Variants in MAGI2 observed in about 807,000 individuals in gnomAD.
The protein encoded by MAGI2 is membrane-associated guanylate kinase, WW and PDZ domain-containing protein 2.
Under a neutral mutation model 133.3 loss-of-function variants are expected in MAGI2, and 35 were observed. That is an observed-to-expected ratio of 0.26 (90% CI 0.20 to 0.35). The LOEUF (loss-of-function observed/expected upper bound fraction) is 0.35. Ranked by LOEUF, MAGI2 falls within the 10% of genes least tolerant of loss-of-function variation. The probability of loss-of-function intolerance (pLI) is 1.00; values close to 1 mark genes in which losing one functional copy is unlikely to be tolerated. For missense variants in MAGI2, 1,636 were observed against 1,863.4 expected (o/e 0.88, Z 2.25); for synonymous variants, 729 against 710.6 (o/e 1.03, Z -0.41).
At chr7:79,155,960 C>T (rs146349565) in intron 1 of MAGI2, among the ~76,000 whole-genome samples, 1 of 152,106 alleles carries the variant, frequency 6.6e-6, no homozygotes, top group African/African-American at 2.4e-5. Context: ...AGATTGGAGT[C>T]ACCCTGAATG....
chr7:78,692,566 G>C (rs1242392641), intron 2 of MAGI2, among the ~76,000 whole-genome samples: 4 of 152,070 alleles, frequency 2.6e-5, no homozygotes, highest in African/African-American at 7.3e-5. Context: ...GAGAAGTCAG[G>C]GTTCTGGTTA....
intron 21 of MAGI2, among the ~76,000 whole-genome samples, chr7:78,021,165 C>T (rs1808361210): frequency 6.6e-6 from 1 of 152,034 alleles, no homozygotes; most frequent in Admixed American, 6.6e-5. Context: ...CTTCTGGCCA[C>T]TAAGGGGAAA....
intron 2 of MAGI2, among the ~76,000 whole-genome samples, chr7:79,003,996 G>C (rs1353637073): frequency 1.3e-5 from 2 of 152,170 alleles, no homozygotes; most frequent in Non-Finnish European, 1.5e-5. Flanking sequence ...CTTACACTCT[G>C]TTGGTAGGAA....
At position 78,019,827 on chromosome 7, in the gene MAGI2, A is replaced by G; in HGVS notation, c.3856T>C (p.Trp1286Arg). The change falls in exon 22 of 22, where the codon TGG (tryptophan) becomes CGG (arginine). Residue 1286 changes from tryptophan (W) to arginine (R), a missense_variant. Trp to Arg is a moderately radical substitution (Grantham distance 101, BLOSUM62 -3). Coordinates refer to ENST00000354212, the MANE Select transcript of MAGI2 (RefSeq NM_012301.4). ...PSHQISPGPTWDIKREHDVRK... is the reference protein window; with the variant it reads ...PSHQISPGPTRDIKREHDVRK... ...ACGTCGTGTTCCCGTTTGATATCCC[A>G]AGTTGGGCCTGGGCTTATCTGGTGG... The G allele has an allele frequency of 6.2e-7, 1 of 1,613,216 alleles. No individual in the cohort carries two copies. Among genetic ancestry groups the G allele is most frequent in the Non-Finnish European group, 8.5e-7 (1 of 1,179,804 alleles).
At chr7:78,552,206 A>C (rs1202451116) in intron 3 of MAGI2, among the ~76,000 whole-genome samples, 1 of 127,948 alleles carries the variant, frequency 7.8e-6, no homozygotes, top group African/African-American at 3.0e-5. Context: ...TTTTTGAGAC[A>C]GAGTTTAACT....
At chr7:78,880,624 A>T (rs1013971850) in intron 2 of MAGI2, among the ~76,000 whole-genome samples, 2 of 152,290 alleles carry the variant, frequency 1.3e-5, no homozygotes, top group South Asian at 4.1e-4. Context: ...ACAGAAACAC[A>T]CTTAAGTCCA....
At chr7:78,916,830 A>G (rs1798837253) in intron 2 of MAGI2, among the ~76,000 whole-genome samples, 1 of 152,126 alleles carries the variant, frequency 6.6e-6, no homozygotes, top group South Asian at 2.1e-4. Context: ...TGCCACACCC[A>G]AGAACCTAGA....
intron 2 of MAGI2, among the ~76,000 whole-genome samples, chr7:78,808,875 T>G (rs1020997671): frequency 2.0e-5 from 3 of 152,146 alleles, no homozygotes; most frequent in African/African-American, 7.2e-5. Flanking sequence ...GTGATAAAGC[T>G]ACATGACCCT....
intron 6 of MAGI2, among the ~76,000 whole-genome samples, chr7:78,391,529 T>C (rs1164713091): frequency 1.3e-5 from 2 of 152,226 alleles, no homozygotes; most frequent in Non-Finnish European, 2.9e-5. Context: ...GTGTGAGGAA[T>C]AGGCATCTAT....
chr7:78,494,840 C>A (rs971311112), intron 5 of MAGI2, among the ~76,000 whole-genome samples: 4 of 152,120 alleles, frequency 2.6e-5, no homozygotes, highest in African/African-American at 9.7e-5. Context: ...CTCCAAATAG[C>A]CAATTCTGAA....
intron 9 of MAGI2, among the ~76,000 whole-genome samples, chr7:78,281,571 T>G (rs1795584269): frequency 6.6e-6 from 1 of 152,262 alleles, no homozygotes; most frequent in East Asian, 1.9e-4. Context: ...ACTTCTTTCC[T>G]TTAGAAATTA....
chr7:78,694,777 T>C (rs1332130129), intron 2 of MAGI2, among the ~76,000 whole-genome samples: 1 of 152,230 alleles, frequency 6.6e-6, no homozygotes, highest in Non-Finnish European at 1.5e-5. Flanking sequence ...TGTTAAAAGC[T>C]GGTAATATCT....
At chr7:78,481,719 T>TAGAG (rs138912072) in intron 6 of MAGI2, among the ~76,000 whole-genome samples, 56,279 of 150,572 alleles carry the variant, frequency 0.37, 10,901 homozygotes, top group East Asian at 0.6. Context: ...GAAAAAAAAA[T>TAGAG]AGAGAACCTT....
At chr7:78,492,995 G>A (rs1446435364) in intron 5 of MAGI2, among the ~76,000 whole-genome samples, 1 of 152,182 alleles carries the variant, frequency 6.6e-6, no homozygotes, top group African/African-American at 2.4e-5. Context: ...GAAAAAGCCA[G>A]TGGATATTTA....
At chr7:78,039,654 AT>A (rs1202193335) in intron 21 of MAGI2, 1 of 152,218 alleles carries the variant, frequency 6.6e-6, no homozygotes, top group African/African-American at 2.4e-5. Flanking sequence ...AAGAAAAACC[AT>A]TTTAGAGGCG....
intron 1 of MAGI2, among the ~76,000 whole-genome samples, chr7:79,315,489 T>TA (rs926003199): frequency 6.6e-6 from 1 of 151,994 alleles, no homozygotes; most frequent in Non-Finnish European, 1.5e-5. Context: ...TCGTTTTTTT[T>TA]AAAGTAATGA....
chr7:79,335,593 T>C (rs1384313656), intron 1 of MAGI2, among the ~76,000 whole-genome samples: 1 of 152,024 alleles, frequency 6.6e-6, no homozygotes, highest in South Asian at 2.1e-4. Context: ...GGTAAATCTA[T>C]AGGAAATAAA....
At chr7:78,769,370 T>C (rs1370694321) in intron 2 of MAGI2, among the ~76,000 whole-genome samples, 1 of 152,044 alleles carries the variant, frequency 6.6e-6, no homozygotes, top group Non-Finnish European at 1.5e-5. Context: ...AACAACAAAG[T>C]GCTTTAGATC....
At chr7:78,437,091 A>G (rs1800367449) in intron 6 of MAGI2, among the ~76,000 whole-genome samples, 2 of 130,592 alleles carry the variant, frequency 1.5e-5, no homozygotes, top group Non-Finnish European at 3.5e-5. Context: ...AAAATTCCCT[A>G]TCATAATGGA....
Sources: gnomAD v4.1 joint callset for allele counts (sites outside exome capture counted in the v4.1 genomes callset) on GRCh38, gnomAD v4.1.1 for gene constraint, MANE v1.5 for transcripts, NCBI Gene and HGNC (gene_info 2026-07-23, HGNC 2026-07-21) for gene names.